ERBB4: variants seen among roughly 807,000 people sequenced by gnomAD.
ERBB4 encodes erb-b2 receptor tyrosine kinase 4, also known as receptor tyrosine-protein kinase erbB-4.
Under a neutral mutation model 158.0 loss-of-function variants are expected in ERBB4, and 42 were observed. The ratio of observed to expected loss-of-function variants is 0.27; its 90% CI spans 0.21 to 0.34. The LOEUF (loss-of-function observed/expected upper bound fraction) is 0.34. Among genes scored for constraint, ERBB4 ranks in the 10% least tolerant of loss-of-function variants. The pLI, the probability that ERBB4 is intolerant of heterozygous loss-of-function variation, is 1.00. For missense variants in ERBB4, 1,333 were observed against 1,624.1 expected, an observed-to-expected ratio of 0.82 and a Z score of 3.08; for synonymous variants, 583 against 558.7, an observed-to-expected ratio of 1.04 and a Z score of -0.61.
At chr2:212,495,991 G>A (rs911048094) in intron 1 of ERBB4, among the ~76,000 whole-genome samples, 1 of 152,018 alleles carries the variant, frequency 6.6e-6, no homozygotes, top group Non-Finnish European at 1.5e-5. Context: ...GGTATTACTT[G>A]ATACGGCATC....
chr2:211,857,799 G>A (rs78572936), intron 3 of ERBB4, among the ~76,000 whole-genome samples: 1,609 of 152,280 alleles, frequency 0.011, 30 homozygotes, highest in African/African-American at 0.036. Flanking sequence ...AGCTCAAGAG[G>A]CAAGATGATT....
At chr2:211,587,376 C>T (rs769528602) in intron 19 of ERBB4, among the ~76,000 whole-genome samples, 13 of 152,082 alleles carry the variant, frequency 8.5e-5, no homozygotes, top group East Asian at 7.8e-4. Context: ...AGATGAGACA[C>T]GCTGGAATAG....
intron 2 of ERBB4, among the ~76,000 whole-genome samples, chr2:212,042,034 T>TA (rs2077153537): frequency 6.6e-6 from 1 of 152,080 alleles, no homozygotes; most frequent in African/African-American, 2.4e-5. Flanking sequence ...TTCCACGCTC[T>TA]ATTATCTCCT....
intron 20 of ERBB4, among the ~76,000 whole-genome samples, chr2:211,558,080 A>G (rs529848130): frequency 6.6e-6 from 1 of 152,292 alleles, no homozygotes; most frequent in East Asian, 1.9e-4. Flanking sequence ...ATGCATGGAT[A>G]CACGGAAACA....
intron 1 of ERBB4, among the ~76,000 whole-genome samples, chr2:212,216,675 T>C (rs2083109263): frequency 6.6e-6 from 1 of 151,426 alleles, no homozygotes; most frequent in Non-Finnish European, 1.5e-5. Flanking sequence ...GTCAAACTTC[T>C]ATTGATTGCT....
rs2063580889 is a variant in ERBB4 at position 211,424,405 on chromosome 2, A to T, written c.2720-104T>A. The T allele has an allele frequency of 5.4e-6, 4 of 742,364 alleles. No individual in the cohort carries two copies. In the Admixed American group the frequency reaches 1.1e-4, roughly 20 times the overall value. The allele number at this position is 742,364 out of a possible 1,614,324, so 46.0% of individuals were successfully genotyped here. ...GAATACTCCTTACAGGTCAATCCAA[A>T]CACCAATCAATTAAAAAAAAAAAAG... On this transcript the variant is annotated intron_variant, in intron 22 of 27. Coordinates refer to ENST00000342788, the MANE Select transcript of ERBB4 (RefSeq NM_005235.3).
At chr2:212,394,120 A>G (rs1270746079) in intron 1 of ERBB4, among the ~76,000 whole-genome samples, 1 of 152,104 alleles carries the variant, frequency 6.6e-6, no homozygotes, top group Non-Finnish European at 1.5e-5. Flanking sequence ...GAGTCCTTAT[A>G]CATTTTTAAA....
chr2:211,634,089 G>A (rs1013000998), intron 16 of ERBB4, among the ~76,000 whole-genome samples: 1 of 152,214 alleles, frequency 6.6e-6, no homozygotes, highest in African/African-American at 2.4e-5. Context: ...AACCCAGGAA[G>A]TGAAGGTTGC....
chr2:211,927,821 T>C (rs1346956334), intron 3 of ERBB4, among the ~76,000 whole-genome samples: 1 of 152,086 alleles, frequency 6.6e-6, no homozygotes, highest in African/African-American at 2.4e-5. Flanking sequence ...CTCTAAAATA[T>C]TATACTTACG....
chr2:212,426,419 T>A (rs1301157388), intron 1 of ERBB4: 1 of 430,942 alleles, frequency 2.3e-6, no homozygotes, highest in Non-Finnish European at 4.5e-6. Context: ...TCTAAATGTA[T>A]ATTTTCAAGT....
intron 20 of ERBB4, among the ~76,000 whole-genome samples, chr2:211,472,456 T>G (rs566592055): frequency 6.6e-6 from 1 of 151,660 alleles, no homozygotes; most frequent in South Asian, 2.1e-4. Context: ...CTTACCTTTA[T>G]TCTAACTCTT....
At chr2:212,280,821 C>T (rs1025937059) in intron 1 of ERBB4, among the ~76,000 whole-genome samples, 3 of 151,472 alleles carry the variant, frequency 2.0e-5, no homozygotes, top group African/African-American at 7.3e-5. Context: ...CTGTTAAAAC[C>T]AGGAGGACCC....
chr2:212,021,205 C>A (rs981119490), intron 2 of ERBB4, among the ~76,000 whole-genome samples: 5 of 151,982 alleles, frequency 3.3e-5, no homozygotes, highest in African/African-American at 1.2e-4. Context: ...AATAATTAGA[C>A]CTTTAGAATT....
At chr2:211,787,927 A>T in intron 4 of ERBB4, 98 bp downstream of exon 4, 1 of 1,246,900 alleles carries the variant, frequency 8.0e-7, no homozygotes, top group South Asian at 1.2e-5. Flanking sequence ...GAATGCAATC[A>T]AAGTTCAAAA....
At chr2:212,064,151 G>A (rs187552473) in intron 2 of ERBB4, among the ~76,000 whole-genome samples, 3 of 152,088 alleles carry the variant, frequency 2.0e-5, no homozygotes, top group Non-Finnish European at 2.9e-5. Context: ...GGAGATTCCA[G>A]ATTAGAAAGA....
At chr2:212,151,471 A>G (rs1038858208) in intron 1 of ERBB4, among the ~76,000 whole-genome samples, 1 of 151,518 alleles carries the variant, frequency 6.6e-6, no homozygotes, top group African/African-American at 2.4e-5. Flanking sequence ...CTCCATATAT[A>G]TAAAACCTCA....
chr2:212,381,562 T>C (rs573441079), intron 1 of ERBB4, among the ~76,000 whole-genome samples: 1 of 151,396 alleles, frequency 6.6e-6, no homozygotes, highest in East Asian at 1.9e-4. Flanking sequence ...TGTCTTCAAA[T>C]ACCACCAAAT....
chr2:212,453,663 C>G, intron 1 of ERBB4, among the ~76,000 whole-genome samples: 1 of 151,986 alleles, frequency 6.6e-6, no homozygotes, highest in East Asian at 1.9e-4. Context: ...ATTATTACAC[C>G]AGGGTCTTTT....
chr2:211,623,895 TA>T (rs2125857676), intron 18 of ERBB4, 26 bp downstream of exon 18: 1 of 1,612,536 alleles, frequency 6.2e-7, no homozygotes, highest in Non-Finnish European at 8.5e-7. Context: ...AAAACTTAAC[TA>T]ACGATATGCG....
Sources: allele counts gnomAD v4.1 joint callset (sites outside exome capture counted in the v4.1 genomes callset), GRCh38; gene constraint gnomAD v4.1.1; transcripts MANE v1.5; gene names NCBI Gene and HGNC (gene_info 2026-07-23, HGNC 2026-07-21).